The following STOML3 variants were observed in gnomAD, a reference collection of about 807,000 sequenced individuals.
STOML3 encodes the protein stomatin-like protein 3.
Under a neutral mutation model 29.5 loss-of-function variants are expected in STOML3, and 31 were observed. The observed-to-expected ratio is 1.05, with a 90% confidence interval of 0.79 to 1.42. The LOEUF (loss-of-function observed/expected upper bound fraction) is 1.42. Ranked by LOEUF, STOML3 falls within the 40% of genes most tolerant of loss-of-function variation. The pLI is 0.00. For synonymous variants in STOML3, 122 were observed against 139.8 expected, an observed-to-expected ratio of 0.87 and a Z score of 0.90; for missense variants, 380 against 363.0, an observed-to-expected ratio of 1.05 and a Z score of -0.38.
chr13:38,988,565 T>G (rs1257364372), intron 1 of STOML3, among the ~76,000 whole-genome samples: 1 of 109,626 alleles, frequency 9.1e-6, no homozygotes, highest in Admixed American at 1.1e-4. Context: ...TTATATATAA[T>G]ATATTTTATA....
At chr13:38,971,022 T>G (rs1401841540) in intron 4 of STOML3, among the ~76,000 whole-genome samples, 1 of 151,754 alleles carries the variant, frequency 6.6e-6, no homozygotes, top group Non-Finnish European at 1.5e-5. Flanking sequence ...CTCTCCTGAC[T>G]GCAGCTGAAT....
intron 4 of STOML3, among the ~76,000 whole-genome samples, chr13:38,971,171 T>C (rs975087959): frequency 6.6e-6 from 1 of 152,162 alleles, no homozygotes; most frequent in Non-Finnish European, 1.5e-5. Context: ...TAGCTGGGAT[T>C]ACAGGTGCAT....
Position 38,970,273 on chromosome 13 carries a change from A to T in STOML3, c.428T>A (p.Leu143Gln), listed in dbSNP as rs1259792604. ...VNDVHQATFL[L>Q]AQTTLRNVLG... ...GACATTTCTCAGAGTGGTTTGAGCC[A>T]GCAGAAATGTTGCTTGATGGACATC... The change falls in exon 5 of 7, where the codon CTG (leucine) becomes CAG (glutamine). Residue 143 changes from leucine to glutamine, a missense_variant. Physicochemically the swap from Leu to Gln is moderately radical, Grantham distance 113 (BLOSUM62 -2). Coordinates refer to ENST00000379631, the MANE Select transcript of STOML3 (RefSeq NM_145286.3). 6.2e-7 allele frequency: 1 copy of T among 1,614,098 alleles called. No homozygotes were observed. Among genetic ancestry groups the T allele is most frequent in the Non-Finnish European group, 8.5e-7 (1 of 1,180,040 alleles).
Position 38,972,498 on chromosome 13 carries a change from T to C in STOML3, c.312+14A>G, listed in dbSNP as rs771880292. On this transcript the variant is annotated intron_variant, in intron 4 of 6. Coordinates refer to ENST00000379631, the MANE Select transcript of STOML3 (RefSeq NM_145286.3). ...AAGTTTAATTTCGAGTGACATATCC[T>C]TAATCAGTACTACCTCTTGTGGAGG... The C allele has an allele frequency of 5.6e-6, 9 of 1,610,698 alleles. No individual in the cohort carries two copies. The highest frequency in any genetic ancestry group is 4.0e-5 in the African/African-American group (3 of 74,796).
At chr13:38,989,655 C>T (rs1868917673) in intron 1 of STOML3, among the ~76,000 whole-genome samples, 1 of 151,914 alleles carries the variant, frequency 6.6e-6, no homozygotes, top group Non-Finnish European at 1.5e-5. Flanking sequence ...TGCCACCACA[C>T]CTGGCTAAAT....
At chr13:38,990,155 TCTCTC>T (rs1868944201) in intron 1 of STOML3, among the ~76,000 whole-genome samples, 1 of 152,144 alleles carries the variant, frequency 6.6e-6, no homozygotes, top group Admixed American at 6.5e-5. Context: ...TTTCTCAACT[TCTCTC>T]CATTTATCAA....
chr13:38,989,717 G>A (rs749494239), intron 1 of STOML3, among the ~76,000 whole-genome samples: 5 of 152,040 alleles, frequency 3.3e-5, no homozygotes, highest in South Asian at 2.1e-4. Flanking sequence ...GGCTGGTCTC[G>A]AACTCCTGAG....
chr13:38,967,853 T>C lies in STOML3; in HGVS notation c.651+547A>G, dbSNP rs529358194. On this transcript the variant is annotated intron_variant, in intron 6 of 6. Coordinates refer to ENST00000379631, the MANE Select transcript of STOML3 (RefSeq NM_145286.3). ...CCACACAGGCATGAAAGTCAGAATC[T>C]CAACAGATTTCAAGGACATTCAGAG... is the stretch of plus-strand genomic sequence containing the variant. 3.3e-5 allele frequency among the ~76,000 whole-genome samples: 5 copies of C among 152,314 alleles called. No homozygotes were observed. The South Asian group carries it at 1.0e-3, about 32-fold the overall frequency.
intron 1 of STOML3, among the ~76,000 whole-genome samples, chr13:38,984,957 T>C (rs969956466): frequency 6.6e-6 from 1 of 152,142 alleles, no homozygotes; most frequent in Non-Finnish European, 1.5e-5. Flanking sequence ...AGGGTGATGT[T>C]CAGCAACATA....
In STOML3 at chr13:38,967,016, T is replaced by C. The variant is rs1406262656; in HGVS notation, c.685A>G (p.Lys229Glu). The C allele has an allele frequency of 1.2e-6, 2 of 1,614,080 alleles. No homozygotes were observed. Among genetic ancestry groups the C allele is most frequent in the Admixed American group, 3.3e-5 (2 of 60,012 alleles). Residue 229 changes from lysine (K) to glutamate (E), a missense_variant, in exon 7 of 7, where the codon AAA (lysine) becomes GAA (glutamate). Physicochemically the swap from Lys to Glu is moderately conservative, Grantham distance 56. Coordinates refer to ENST00000379631, the MANE Select transcript of STOML3 (RefSeq NM_145286.3). ...LAAEGEMNAS[K>E]SLKSASMVLA... The stretch of plus-strand genomic sequence containing the variant: ...ACCATGGAGGCTGACTTCAGGGATT[T>C]GGAAGCATTCATTTCTCCTTCAGCT...
chr13:38,969,342 T>C (rs1243083580), intron 5 of STOML3, among the ~76,000 whole-genome samples: 1 of 152,200 alleles, frequency 6.6e-6, no homozygotes, highest in Non-Finnish European at 1.5e-5. Context: ...CTCCCTTGCC[T>C]TTCTGTGATC....
chr13:38,973,096 T>TAAAAAAAA (rs71074495), intron 3 of STOML3, among the ~76,000 whole-genome samples: 3 of 32,572 alleles, frequency 9.2e-5, no homozygotes, highest in African/African-American at 3.8e-4. Context: ...CCGTCTCTAC[T>TAAAAAAAA]AAAAAAAAAA....
chr13:38,978,223 G>A (rs1305423240), intron 1 of STOML3, among the ~76,000 whole-genome samples: 4 of 151,624 alleles, frequency 2.6e-5, no homozygotes, highest in East Asian at 1.9e-4. Flanking sequence ...GCGCAATCTC[G>A]GCTCACTGCA....
chr13:38,974,832 T>C (rs1881010533), intron 3 of STOML3, among the ~76,000 whole-genome samples: 1 of 152,152 alleles, frequency 6.6e-6, no homozygotes, highest in South Asian at 2.1e-4. Context: ...CCAAGTTCTG[T>C]CTGTTCTGCT....
intron 5 of STOML3, 114 bp from the exon 6 acceptor site, chr13:38,968,648 AT>A: frequency 8.0e-7 from 1 of 1,243,742 alleles, no homozygotes; most frequent in African/African-American, 1.5e-5. Flanking sequence ...TTTCTTTTGC[AT>A]TTACAGCATT....
At chr13:38,967,707 C>T (rs1371854862) in intron 6 of STOML3, among the ~76,000 whole-genome samples, 1 of 152,160 alleles carries the variant, frequency 6.6e-6, no homozygotes, top group Non-Finnish European at 1.5e-5. Context: ...GCTGCTGGAG[C>T]TTAGCAGATA....
At position 38,976,521 on chromosome 13, in the gene STOML3, G is replaced by A. The variant is rs201622216; in HGVS notation, c.229+19C>T. 6.2e-7 allele frequency: 1 copy of A among 1,613,844 alleles called. No homozygotes were observed. Among genetic ancestry groups the A allele is most frequent in the Non-Finnish European group, 8.5e-7 (1 of 1,179,862 alleles). On this transcript the variant is annotated intron_variant, in intron 3 of 6. Coordinates refer to ENST00000379631, the MANE Select transcript of STOML3 (RefSeq NM_145286.3). The stretch of plus-strand genomic sequence containing the variant: ...AGGTGTCCCTGATCTTTCAGGGGCA[G>A]CCACCGCGTCATTCATACCTGGCCC...
chr13:38,986,195 C>T (rs1217725107), intron 1 of STOML3, among the ~76,000 whole-genome samples: 1 of 151,498 alleles, frequency 6.6e-6, no homozygotes, highest in Non-Finnish European at 1.5e-5. Flanking sequence ...CCACCACACC[C>T]AGCTAATTTT....
At chr13:38,975,798 C>T (rs549717739) in intron 3 of STOML3, among the ~76,000 whole-genome samples, 1 of 152,190 alleles carries the variant, frequency 6.6e-6, no homozygotes, top group South Asian at 2.1e-4. Flanking sequence ...TCCACCCCAA[C>T]CCCGGGCAAA....
Sources: allele counts gnomAD v4.1 joint callset (sites outside exome capture counted in the v4.1 genomes callset), GRCh38; gene constraint gnomAD v4.1.1; transcripts MANE v1.5; gene names NCBI Gene and HGNC (gene_info 2026-07-23, HGNC 2026-07-21).